The following RSF1 variants were observed in gnomAD, a reference collection of about 807,000 sequenced individuals.
RSF1 encodes the protein remodeling and spacing factor 1.
Under a neutral mutation model 145.2 loss-of-function variants are expected in RSF1, and 13 were observed. The ratio of observed to expected loss-of-function variants is 0.09; its 90% CI spans 0.06 to 0.14. RSF1 has a LOEUF of 0.14. Among genes scored for constraint, RSF1 ranks in the 10% least tolerant of loss-of-function variants. The probability of loss-of-function intolerance (pLI) is 1.00; values close to 1 mark genes in which losing one functional copy is unlikely to be tolerated. For synonymous variants in RSF1, 577 were observed against 592.6 expected, an observed-to-expected ratio of 0.97 and a Z score of 0.38; for missense variants, 1,517 against 1,718.2, an observed-to-expected ratio of 0.88 and a Z score of 2.07.
chr11:77,732,676 A>G (rs1961237225), intron 4 of RSF1, among the ~76,000 whole-genome samples: 1 of 152,160 alleles, frequency 6.6e-6, no homozygotes, highest in African/African-American at 2.4e-5. Context: ...AGTTCCCTGC[A>G]CAAGCTCCTT....
At chr11:77,726,932 A>G (rs1344689384) in intron 4 of RSF1, among the ~76,000 whole-genome samples, 2 of 152,230 alleles carry the variant, frequency 1.3e-5, no homozygotes, top group Non-Finnish European at 2.9e-5. Flanking sequence ...ATAAAAGAAC[A>G]GATTCTCTTG....
At chr11:77,801,012 C>CTCA (rs1948620677) in intron 1 of RSF1, among the ~76,000 whole-genome samples, 1 of 146,746 alleles carries the variant, frequency 6.8e-6, no homozygotes, top group South Asian at 2.1e-4. Context: ...CTCTCTCTCT[C>CTCA]AAAAAAAAAA....
chr11:77,665,770 GCACACGCACACACACAAACACACACA>G lies in RSF1; in HGVS notation c.*1121_*1146del, dbSNP rs1959348071. 6.9e-6 allele frequency: 1 copy of G among 144,088 alleles called. No individual in the cohort carries two copies. Among genetic ancestry groups the G allele is most frequent in the Non-Finnish European group, 1.5e-5 (1 of 67,140 alleles). The allele number at this position is 144,088 out of a possible 1,614,324, so 8.9% of individuals were successfully genotyped here. A position where few individuals can be genotyped will look rare whatever the true frequency, so the allele number is the denominator to read the frequency against. ...AGGAAATTCCAACACACACACACAC[GCACACGCACACACACAAACACACACA>G]CACGCTAAAACTCAAACTAAAAACC... On this transcript the variant is annotated 3_prime_UTR_variant, in exon 16 of 16. Coordinates refer to ENST00000308488, the MANE Select transcript of RSF1 (RefSeq NM_016578.4).
intron 5 of RSF1, among the ~76,000 whole-genome samples, chr11:77,711,895 C>T (rs1269142646): frequency 2.0e-5 from 3 of 152,098 alleles, no homozygotes; most frequent in Non-Finnish European, 4.4e-5. Context: ...CTCCTCCAAC[C>T]CTTAGTCTCC....
intron 3 of RSF1, among the ~76,000 whole-genome samples, chr11:77,745,082 T>C (rs975950976): frequency 1.3e-5 from 2 of 152,216 alleles, no homozygotes; most frequent in Non-Finnish European, 2.9e-5. Context: ...TCCAAACAAT[T>C]GTTCATAGTT....
the RSF1 span, among the ~76,000 whole-genome samples, chr11:77,853,615 G>A: frequency 1.3e-5 from 2 of 151,998 alleles, no homozygotes; most frequent in Non-Finnish European, 2.9e-5. Flanking sequence ...TCTGCATCTG[G>A]CCCCTCCCAA....
Position 77,676,908 on chromosome 11 carries a change from T to A in RSF1, c.3225A>T (p.Lys1075Asn), listed in dbSNP as rs1388580965. 1.2e-6 allele frequency: 2 copies of A among 1,613,690 alleles called. No homozygotes were observed. Among genetic ancestry groups the A allele is most frequent in the Non-Finnish European group, 1.7e-6 (2 of 1,179,786 alleles). The change falls in exon 13 of 16, where the codon AAA becomes AAT. Residue 1075 changes from lysine (K) to asparagine (N), a missense_variant. Transcript: ENST00000308488. Reference protein sequence around the residue: ...TILDEERKENKRPQRAAAARR... With the variant: ...TILDEERKENNRPQRAAAARR... ...GAGCAGCAGCTGCCCTCTGGGGTCG[T>A]TTATTTTCTTTTCTTTCTTCATCCA... is the stretch of plus-strand genomic sequence containing the variant.
At chr11:77,735,491 A>G (rs1961325929) in intron 4 of RSF1, among the ~76,000 whole-genome samples, 1 of 152,210 alleles carries the variant, frequency 6.6e-6, no homozygotes, top group African/African-American at 2.4e-5. Flanking sequence ...TAAAGACTAG[A>G]TAACTTTTGT....
intron 15 of RSF1, among the ~76,000 whole-genome samples, chr11:77,667,700 C>T (rs954243935): frequency 6.6e-6 from 1 of 151,932 alleles, no homozygotes; most frequent in Non-Finnish European, 1.5e-5. Flanking sequence ...TGATTTTAGA[C>T]AATATTTTCT....
chr11:77,713,587 T>C (rs1960738465), intron 5 of RSF1, among the ~76,000 whole-genome samples: 2 of 152,252 alleles, frequency 1.3e-5, no homozygotes, highest in African/African-American at 4.8e-5. Flanking sequence ...TCTTTAGTTA[T>C]TTATCTGTCC....
Position 77,747,024 on chromosome 11 carries a change from T to C in RSF1, c.372+12A>G, listed in dbSNP as rs773565391. The C allele has an allele frequency of 1.2e-4, 183 of 1,490,168 alleles. No individual in the cohort carries two copies. Among genetic ancestry groups the C allele is most frequent in the Non-Finnish European group, 1.6e-4 (175 of 1,080,710 alleles). The allele number at this position is 1,490,168 out of a possible 1,614,324, so 92.3% of individuals were successfully genotyped here. ...AAATTAAAATAACTGTAACAAATAATAGATTTATTACCTTTAAGAGTGCTA... is the reference window on the plus strand; with the variant it reads ...AAATTAAAATAACTGTAACAAATAACAGATTTATTACCTTTAAGAGTGCTA... On this transcript the variant is annotated intron_variant, in intron 3 of 15. Coordinates refer to ENST00000308488, the MANE Select transcript of RSF1 (RefSeq NM_016578.4).
intron 15 of RSF1, 135 bp from the exon 16 acceptor site, chr11:77,667,626 G>C (rs1455059673): frequency 2.8e-6 from 2 of 713,728 alleles, no homozygotes; most frequent in East Asian, 2.7e-5. Context: ...TCAATAATTG[G>C]CCTGATTTCT....
intron 2 of RSF1, among the ~76,000 whole-genome samples, chr11:77,759,316 G>C (rs1264238858): frequency 6.6e-6 from 1 of 152,058 alleles, no homozygotes; most frequent in African/African-American, 2.4e-5. Flanking sequence ...TTTGAGATCG[G>C]CCTGGGCAAT....
At chr11:77,689,623 T>C (rs2135836258) in intron 9 of RSF1, among the ~76,000 whole-genome samples, 1 of 152,376 alleles carries the variant, frequency 6.6e-6, no homozygotes, top group African/African-American at 2.4e-5. Context: ...ATTGGTTCTG[T>C]ACTATATTAT....
At chr11:77,844,453 C>T in the RSF1 span, among the ~76,000 whole-genome samples, 1 of 152,048 alleles carries the variant, frequency 6.6e-6, no homozygotes, top group Non-Finnish European at 1.5e-5. Context: ...GTCTACACCA[C>T]CTGGGTGAAA....
chr11:77,740,925 C>T lies in RSF1; in HGVS notation c.384G>A (p.Glu128=). ...CKLALLKYLC[E]CQFDDNLKFK... ...ATTTGAGATTGTCATCAAACTGACA[C>T]TCACAGAGGTACTGAAAAATAGTCA... The change falls in exon 4 of 16, where the codon GAG becomes GAA. Residue 128 remains glutamate, a synonymous_variant. Coordinates refer to ENST00000308488, the MANE Select transcript of RSF1 (RefSeq NM_016578.4). 1.2e-6 allele frequency: 2 copies of T among 1,612,646 alleles called. No homozygotes were observed. The highest frequency in any genetic ancestry group is 2.2e-5 in the East Asian group (1 of 44,848).
chr11:77,686,426 A>AAAAAAAAG (rs1174900873), intron 9 of RSF1, among the ~76,000 whole-genome samples: 1 of 150,246 alleles, frequency 6.7e-6, no homozygotes, highest in African/African-American at 2.4e-5. Context: ...AAAAAAAAAA[A>AAAAAAAAG]AAGCAGGTGT....
intron 3 of RSF1, among the ~76,000 whole-genome samples, chr11:77,746,526 T>C (rs1366809905): frequency 6.6e-6 from 1 of 152,182 alleles, no homozygotes; most frequent in Non-Finnish European, 1.5e-5. Flanking sequence ...TCCTCTACTA[T>C]GCTGGCCACT....
the RSF1 span, among the ~76,000 whole-genome samples, chr11:77,868,032 T>G: frequency 4.0e-5 from 6 of 151,704 alleles, no homozygotes; most frequent in African/African-American, 1.5e-4. Context: ...TTAACTGTTC[T>G]TCTAGTCTTT....
Sources: gnomAD v4.1 joint callset for allele counts (sites outside exome capture counted in the v4.1 genomes callset) on GRCh38, gnomAD v4.1.1 for gene constraint, MANE v1.5 for transcripts, NCBI Gene and HGNC (gene_info 2026-07-23, HGNC 2026-07-21) for gene names.